Variants in FBXL18 observed in about 807,000 individuals in gnomAD.
The protein encoded by FBXL18 is F-box and leucine rich repeat protein 18.
Under a neutral mutation model 46.0 loss-of-function variants are expected in FBXL18, and 36 were observed. The ratio of observed to expected loss-of-function variants is 0.78; its 90% CI spans 0.60 to 1.03. The LOEUF is 1.03. FBXL18 is among the 50% of genes least tolerant of loss of function. The probability of loss-of-function intolerance (pLI) is 0.00; values close to 1 mark genes in which losing one functional copy is unlikely to be tolerated. For missense variants in FBXL18, 977 were observed against 1,004.1 expected (o/e 0.97, Z 0.36); for synonymous variants, 557 against 465.3 (o/e 1.20, Z -2.54).
intron 1 of FBXL18, among the ~76,000 whole-genome samples, chr7:5,513,177 C>A (rs1784585034): frequency 6.6e-6 from 1 of 152,068 alleles, no homozygotes; most frequent in Admixed American, 6.6e-5. Context: ...GTAAGTCCCT[C>A]AGGTGAAATG....
intron 2 of FBXL18, among the ~76,000 whole-genome samples, chr7:5,504,378 C>T (rs1299826967): frequency 2.0e-5 from 3 of 149,170 alleles, no homozygotes; most frequent in African/African-American, 7.4e-5. Context: ...TGCAGTGAGC[C>T]GGGATCGTGC....
intron 3 of FBXL18, chr7:5,495,745 G>A (rs1487705330): frequency 2.1e-6 from 1 of 467,846 alleles, no homozygotes; most frequent in Non-Finnish European, 4.4e-6. Context: ...CCACGGGCAA[G>A]CGAGTGCCAC....
chr7:5,506,153 G>T (rs561047104), intron 1 of FBXL18, among the ~76,000 whole-genome samples: 1 of 152,194 alleles, frequency 6.6e-6, no homozygotes, highest in South Asian at 2.1e-4. Context: ...TAGAGACAGG[G>T]TCTTGCTATG....
At position 5,464,173 on chromosome 7, in the gene FBXL18, G is replaced by A. The variant is rs1361399193; in HGVS notation, c.2001-16330C>T. ...AGCCTGGCCAACATGGTGAAACCCT[G>A]TATCTACTAAAAATACAAATATTAA... On this transcript the variant is annotated intron_variant and NMD_transcript_variant, in intron 4 of 6. Coordinates refer to the FBXL18 transcript ENST00000415009. 2.6e-5 allele frequency among the ~76,000 whole-genome samples: 4 copies of A among 152,058 alleles called. No individual in the cohort carries two copies. The East Asian group carries it at 7.8e-4, about 30-fold the overall frequency.
At chr7:5,490,482 G>A (rs1783893530) in intron 4 of FBXL18, among the ~76,000 whole-genome samples, 1 of 152,238 alleles carries the variant, frequency 6.6e-6, no homozygotes, top group Non-Finnish European at 1.5e-5. Context: ...GGGAAGCGGA[G>A]ATGCTAGCTA....
intron 1 of FBXL18, among the ~76,000 whole-genome samples, chr7:5,512,488 A>C (rs143597658): frequency 0.016 from 2,435 of 152,144 alleles, 114 homozygotes; most frequent in Admixed American, 0.11. Flanking sequence ...GGTGATGCAC[A>C]CGTGTAACCC....
At chr7:5,487,592 C>A (rs4352753) in intron 4 of FBXL18, among the ~76,000 whole-genome samples, 54,222 of 152,078 alleles carry the variant, frequency 0.36, 10,340 homozygotes, top group South Asian at 0.47. Flanking sequence ...TTGCTCAGGG[C>A]AGCTCTCGAA....
At chr7:5,468,995 T>TTTAA (rs34564568) in intron 4 of FBXL18, among the ~76,000 whole-genome samples, 1 of 151,538 alleles carries the variant, frequency 6.6e-6, no homozygotes, top group African/African-American at 2.4e-5. Context: ...TGTGTGTGAA[T>TTTAA]TGAGAGTGTG....
At chr7:5,500,427 C>G (rs1390654439) in intron 3 of FBXL18, 61 bp downstream of exon 3, 1 of 1,458,570 alleles carries the variant, frequency 6.9e-7, no homozygotes, top group Non-Finnish European at 9.3e-7. Context: ...TCCACGCGAA[C>G]GCCCCAGTTC....
chr7:5,501,297 A>ACAG lies in FBXL18; in HGVS notation c.969_971dup (p.Cys324dup). On this transcript the variant is annotated inframe_insertion, in exon 3 of 5. Transcript: ENST00000382368. ...GGATCAGATGGCCGCCTGACAGGGT[A>ACAG]CAGCGGCTGAAACTGAAGTAGAACG... is the stretch of plus-strand genomic sequence containing the variant. The ACAG allele has an allele frequency of 6.2e-7, 1 of 1,614,184 alleles. No homozygotes were observed. The highest frequency in any genetic ancestry group is 8.5e-7 in the Non-Finnish European group (1 of 1,180,022).
chr7:5,456,574 C>T (rs539522595), intron 4 of FBXL18, among the ~76,000 whole-genome samples: 2 of 151,188 alleles, frequency 1.3e-5, no homozygotes, highest in Admixed American at 1.3e-4. Flanking sequence ...GGGGGGGCTC[C>T]AGGCAGAGGG....
chr7:5,460,485 G>C (rs568515507), intron 4 of FBXL18, among the ~76,000 whole-genome samples: 1 of 151,904 alleles, frequency 6.6e-6, no homozygotes, highest in Non-Finnish European at 1.5e-5. Context: ...ACAGGTTCTC[G>C]CTCTGTCACC....
At chr7:5,468,472 T>C (rs751796619) in intron 4 of FBXL18, among the ~76,000 whole-genome samples, 24 of 152,196 alleles carry the variant, frequency 1.6e-4, no homozygotes, top group Admixed American at 9.2e-4. Context: ...TTAACTGAAA[T>C]ATTAACGGAT....
chr7:5,482,109 G>A (rs1235986062), intron 4 of FBXL18, among the ~76,000 whole-genome samples, 178 bp from the exon 5 acceptor site: 4 of 152,222 alleles, frequency 2.6e-5, no homozygotes, highest in Non-Finnish European at 5.9e-5. Flanking sequence ...CCTGTACGTG[G>A]CAGACAGAGC....
At position 5,481,744 on chromosome 7, in the gene FBXL18, G is replaced by A; in HGVS notation, c.*31C>T. ...CCAGGCTCCTGCAGCTTCTCGAGGT[G>A]ACTGAGACCGATGGGCGGCGGCTCC... On this transcript the variant is annotated 3_prime_UTR_variant, in exon 5 of 5. Transcript: ENST00000382368. 1 of 1,611,428 alleles carries A rather than the reference G, an allele frequency of 6.2e-7. No homozygotes were observed.
rs555535117 is a variant in FBXL18, at chr7:5,456,091, C to T, written c.2001-8248G>A. On this transcript the variant is annotated intron_variant and NMD_transcript_variant, in intron 4 of 6. Coordinates refer to the FBXL18 transcript ENST00000415009. ...TTCTGCACTGGCCCGGTCACCCCACCGAAACTGGCAACTCCTGCTCCCACC... is the reference window on the plus strand; with the variant it reads ...TTCTGCACTGGCCCGGTCACCCCACTGAAACTGGCAACTCCTGCTCCCACC... 3.3e-5 allele frequency among the ~76,000 whole-genome samples: 5 copies of T among 152,304 alleles called. No homozygotes were observed. The South Asian group carries it at 6.2e-4, about 19-fold the overall frequency.
chr7:5,460,794 G>C (rs994340104), intron 4 of FBXL18, among the ~76,000 whole-genome samples: 1 of 152,120 alleles, frequency 6.6e-6, no homozygotes, highest in Non-Finnish European at 1.5e-5. Context: ...CGTGCACCCG[G>C]GCCTCCATCC....
chr7:5,469,292 A>G (rs1783391001), intron 4 of FBXL18, among the ~76,000 whole-genome samples: 2 of 152,114 alleles, frequency 1.3e-5, no homozygotes, highest in South Asian at 2.1e-4. Context: ...TGCACCTGTA[A>G]TCCCAGCTAC....
At chr7:5,463,473 G>C (rs1028509259) in intron 4 of FBXL18, among the ~76,000 whole-genome samples, 1 of 151,470 alleles carries the variant, frequency 6.6e-6, no homozygotes, top group African/African-American at 2.4e-5. Flanking sequence ...TTTAAAATTA[G>C]ATGGGTGTGG....
Sources: gnomAD v4.1 joint callset for allele counts (sites outside exome capture counted in the v4.1 genomes callset) on GRCh38, gnomAD v4.1.1 for gene constraint, MANE v1.5 for transcripts, NCBI Gene and HGNC (gene_info 2026-07-23, HGNC 2026-07-21) for gene names.